The following GPAM variants were observed in gnomAD, a reference collection of about 807,000 sequenced individuals.
GPAM encodes glycerol-3-phosphate acyltransferase 1, mitochondrial.
In GPAM, 56 loss-of-function variants were observed where a neutral mutation model predicts 105.0. The ratio of observed to expected loss-of-function variants is 0.53; its 90% CI spans 0.43 to 0.67. The LOEUF is 0.67. Ranked by LOEUF, GPAM falls within the 30% of genes least tolerant of loss-of-function variation. The pLI, the probability that GPAM is intolerant of heterozygous loss-of-function variation, is 0.00. For missense variants in GPAM, 855 were observed against 989.8 expected (o/e 0.86, Z 1.83); for synonymous variants, 368 against 354.4 (o/e 1.04, Z -0.43).
Position 112,154,482 on chromosome 10 carries a change from C to T in GPAM, c.2370+147G>A, listed in dbSNP as rs1255280787. 6.0e-5 allele frequency: 41 copies of T among 684,038 alleles called. 1 individual carries two copies. The Admixed American group carries it at 8.3e-4, about 14-fold the overall frequency. The allele number at this position is 684,038 out of a possible 1,614,324, so 42.4% of individuals were successfully genotyped here. A position where few individuals can be genotyped will look rare whatever the true frequency, so the allele number is the denominator to read the frequency against. ...AACATAGCCCAACCCATCCTACATG[C>T]CCCGTTCCCAAAAATGCCTTTATCA... On this transcript the variant is annotated intron_variant, in intron 21 of 21. Coordinates refer to ENST00000348367, the MANE Select transcript of GPAM (RefSeq NM_001244949.2).
Position 112,149,893 on chromosome 10 carries a change from A to C in GPAM, c.*3657T>G. ...GTTCAATTTTTGGTTTATTAAAACA[A>C]AACTACATTTTCTGTGTTTCTTGCA... On this transcript the variant is annotated 3_prime_UTR_variant, in exon 22 of 22. Coordinates refer to ENST00000348367, the MANE Select transcript of GPAM (RefSeq NM_001244949.2). 2 of 983,556 alleles carry C rather than the reference A, an allele frequency of 2.0e-6. No homozygotes were observed. Among genetic ancestry groups the C allele is most frequent in the Non-Finnish European group, 2.4e-6 (2 of 827,816 alleles). The allele number at this position is 983,556 out of a possible 1,614,324, so 60.9% of individuals were successfully genotyped here.
At chr10:112,156,851 G>T in intron 19 of GPAM, 1 of 261,892 alleles carries the variant, frequency 3.8e-6, no homozygotes, top group Non-Finnish European at 7.2e-6. Flanking sequence ...TGTTTTAATT[G>T]ACAGCAAAGA....
the GPAM span, among the ~76,000 whole-genome samples, chr10:112,222,044 C>A: frequency 6.6e-6 from 1 of 152,090 alleles, no homozygotes; most frequent in African/African-American, 2.4e-5. Context: ...GGGATTTGTT[C>A]CAAACTAATA....
At chr10:112,218,894 T>C (rs897511814), upstream of GPAM, among the ~76,000 whole-genome samples, 1 of 152,212 alleles carries the variant, frequency 6.6e-6, no homozygotes, top group African/African-American at 2.4e-5. Flanking sequence ...GCAGTGAGGA[T>C]GACCAGAGGC....
chr10:112,173,621 G>T, intron 7 of GPAM, 78 bp downstream of exon 7: 1 of 1,310,796 alleles, frequency 7.6e-7, no homozygotes, highest in Non-Finnish European at 1.1e-6. Flanking sequence ...ACTGTGCTAG[G>T]AAAGTTCAAT....
upstream of GPAM, among the ~76,000 whole-genome samples, chr10:112,186,074 G>A (rs1847592840): frequency 6.6e-6 from 1 of 151,478 alleles, no homozygotes; most frequent in African/African-American, 2.4e-5. Flanking sequence ...ACCATACCAA[G>A]AAACATCACA....
At chr10:112,155,104 G>T (rs1357051198) in intron 20 of GPAM, 1 of 201,190 alleles carries the variant, frequency 5.0e-6, no homozygotes, top group African/African-American at 2.3e-5. Flanking sequence ...CACAGGCCTC[G>T]AGGTTAGGAA....
At chr10:112,167,780 T>A (rs780566377) in intron 11 of GPAM, among the ~76,000 whole-genome samples, 1 of 152,208 alleles carries the variant, frequency 6.6e-6, no homozygotes, top group Non-Finnish European at 1.5e-5. Context: ...GCTAGTTGCA[T>A]AGATGTATTC....
chr10:112,219,535 C>T (rs189418307), upstream of GPAM, among the ~76,000 whole-genome samples: 33 of 152,314 alleles, frequency 2.2e-4, no homozygotes, highest in Admixed American at 1.5e-3. Context: ...ATATCAGGCA[C>T]GTCACTGTCA....
intron 19 of GPAM, chr10:112,156,354 A>G: frequency 2.7e-6 from 1 of 375,136 alleles, no homozygotes. Context: ...ATACGCTGTC[A>G]TCACTAAAAA....
rs530157043 is a variant in GPAM at position 112,174,174 on chromosome 10, G to T, written c.414-329C>A. Among the ~76,000 whole-genome samples the T allele has an allele frequency of 5.3e-5, 8 of 152,242 alleles. No individual in the cohort carries two copies. In the East Asian group the frequency reaches 9.7e-4, roughly 18 times the overall value. ...TCTAGCAGAAGAGAGAAAAAGAAAG[G>T]TTATCCCTTTAGGCATATAATTCAG... On this transcript the variant is annotated intron_variant, in intron 6 of 21. Coordinates refer to ENST00000348367, the MANE Select transcript of GPAM (RefSeq NM_001244949.2).
In GPAM at chr10:112,175,717, T is replaced by C; in HGVS notation, c.300-4A>G. The C allele has an allele frequency of 6.3e-7, 1 of 1,577,172 alleles. No individual in the cohort carries two copies. The highest frequency in any genetic ancestry group is 8.7e-7 in the Non-Finnish European group (1 of 1,146,452). ...TCTTGCAAGCCATCCGCGGTGTCTG[T>C]GAAAATGATTTAGCAGAGAAGTATT... On this transcript the variant is annotated splice_polypyrimidine_tract_variant and splice_region_variant and intron_variant, in intron 5 of 21. Transcript: ENST00000348367.
intron 15 of GPAM, among the ~76,000 whole-genome samples, 192 bp from the exon 16 acceptor site, chr10:112,161,060 G>A (rs1225684830): frequency 1.3e-5 from 2 of 152,190 alleles, no homozygotes; most frequent in Non-Finnish European, 2.9e-5. Flanking sequence ...CTCCAGGAAT[G>A]TCAAGGTATT....
chr10:112,172,372 C>T, intron 8 of GPAM, 54 bp from the exon 9 acceptor site: 2 of 1,446,902 alleles, frequency 1.4e-6, no homozygotes, highest in South Asian at 1.1e-5. Context: ...TTCAATCACA[C>T]TTTGCAACTG....
Position 112,155,991 on chromosome 10 carries a change from C to G in GPAM, c.2184G>C (p.Leu728Phe), listed in dbSNP as rs139053877. ...ITFLQRLLGP[L>F]LEAYSSAAIF... ...TGGCAGCAGAGCTGTAGGCCTCCAG[C>G]AAAGGCCCAAGGAGTCTCTGTAAGA... The change falls in exon 20 of 22, where the codon TTG becomes TTC. Residue 728 changes from leucine (L) to phenylalanine (F), a missense_variant. Coordinates refer to ENST00000348367, the MANE Select transcript of GPAM (RefSeq NM_001244949.2). 7 of 1,612,306 alleles carry G rather than the reference C, an allele frequency of 4.3e-6. No individual in the cohort carries two copies.
At chr10:112,204,765 G>A (rs1278617175) in intron 1 of GPAM, among the ~76,000 whole-genome samples, 4 of 150,640 alleles carry the variant, frequency 2.7e-5, no homozygotes, top group South Asian at 2.1e-4. Context: ...ACAAGACAGG[G>A]ATGCCCTCTC....
intron 1 of GPAM, among the ~76,000 whole-genome samples, chr10:112,206,833 TAAAAA>T (rs57906877): frequency 1.4e-5 from 2 of 140,218 alleles, no homozygotes; most frequent in African/African-American, 5.1e-5. Context: ...AAAAAAAATT[TAAAAA>T]AAAAAAAAAA....
chr10:112,189,550 G>A (rs755654089), intron 1 of GPAM, among the ~76,000 whole-genome samples: 4 of 152,088 alleles, frequency 2.6e-5, no homozygotes, highest in Non-Finnish European at 5.9e-5. Flanking sequence ...TATATTCAGG[G>A]TGATCTCTTG....
rs906752113 is a variant in GPAM at position 112,161,819 on chromosome 10, C to G, written c.1424-82G>C. On this transcript the variant is annotated intron_variant, in intron 14 of 21. Coordinates refer to ENST00000348367, the MANE Select transcript of GPAM (RefSeq NM_001244949.2). ...TTTTTTGAAATACCTAAATTTTAAA[C>G]AGGAGTATTTAAAACTGTGAAAGTC... 5 of 983,080 alleles carry G rather than the reference C, an allele frequency of 5.1e-6. No homozygotes were observed. In the African/African-American group the frequency reaches 7.9e-5, roughly 16 times the overall value. 60.9% of individuals were successfully genotyped at this position (983,080 alleles called of 1,614,324 possible). A position where few individuals can be genotyped will look rare whatever the true frequency, so the allele number is the denominator to read the frequency against.
Sources: allele counts gnomAD v4.1 joint callset (sites outside exome capture counted in the v4.1 genomes callset), GRCh38; gene constraint gnomAD v4.1.1; transcripts MANE v1.5; gene names NCBI Gene and HGNC (gene_info 2026-07-23, HGNC 2026-07-21).